The following KCNQ1 variants were observed in gnomAD, a reference collection of about 807,000 sequenced individuals.
KCNQ1 encodes the protein potassium voltage-gated channel subfamily KQT member 1.
A neutral mutation model predicts 72.4 loss-of-function variants in KCNQ1; 49 were observed. That is an observed-to-expected ratio of 0.68 (90% confidence interval 0.54 to 0.86). The LOEUF (loss-of-function observed/expected upper bound fraction) is 0.86. Among genes scored for constraint, KCNQ1 ranks in the 40% least tolerant of loss-of-function variants. KCNQ1 has a pLI of 0.00. For missense variants in KCNQ1, 790 were observed against 945.1 expected (o/e 0.84, Z 2.15); for synonymous variants, 450 against 412.6 (o/e 1.09, Z -1.10).
chr11:2,788,647 G>C (rs1846958974), intron 15 of KCNQ1, among the ~76,000 whole-genome samples: 1 of 152,022 alleles, frequency 6.6e-6, no homozygotes, highest in Non-Finnish European at 1.5e-5. Flanking sequence ...GGCTCTGACT[G>C]ATCAAAGGGC....
Position 2,826,083 on chromosome 11 carries a change from C to G in KCNQ1, c.1795-21684C>G, listed in dbSNP as rs1847833861. Among the ~76,000 whole-genome samples the G allele has an allele frequency of 6.6e-6, 1 of 152,364 alleles. No individual in the cohort carries two copies. The highest frequency in any genetic ancestry group is 1.9e-4 in the East Asian group (1 of 5,184). ...ACTGCCTGTGAGTTATAAGCCTCCA[C>G]AGCAAGCAGCCTGTTACCTAACCAG... On this transcript the variant is annotated intron_variant, in intron 15 of 15. Coordinates refer to ENST00000155840, the MANE Select transcript of KCNQ1 (RefSeq NM_000218.3). This position sits in a 1 kb window ranked among gnomAD's most constrained non-coding sequence, Gnocchi z 4.2.
rs961116781 is a variant in KCNQ1, at chr11:2,795,365, G to A, written c.1794+17328G>A. Among the ~76,000 whole-genome samples the A allele has an allele frequency of 3.9e-5, 6 of 152,338 alleles. 1 individual carries two copies. In the East Asian group the frequency reaches 9.7e-4, roughly 25 times the overall value. On this transcript the variant is annotated intron_variant, in intron 15 of 15. Transcript: ENST00000155840. ...CAGGGTCTCAGGTGACCTGTCTTGT[G>A]TATCCCACTTCGTTTCTCTCTTTCC...
intron 2 of KCNQ1, among the ~76,000 whole-genome samples, chr11:2,532,054 G>A (rs1179503050): frequency 6.6e-6 from 1 of 152,158 alleles, no homozygotes; most frequent in Non-Finnish European, 1.5e-5. Flanking sequence ...CTCTTCTCTG[G>A]ACCTGGCTGT....
At chr11:2,512,069 A>C (rs1362722436) in intron 1 of KCNQ1, among the ~76,000 whole-genome samples, 4 of 152,218 alleles carry the variant, frequency 2.6e-5, no homozygotes, top group East Asian at 1.9e-4. Context: ...CTCGGCGTGC[A>C]AGATTTGTGT....
At chr11:2,649,680 G>A (rs1323961973) in intron 10 of KCNQ1, 1 of 398,420 alleles carries the variant, frequency 2.5e-6, no homozygotes, top group African/African-American at 2.1e-5. Context: ...TTAATCTGCT[G>A]TTGATTCCCT....
chr11:2,716,510 C>T (rs1036718366), intron 11 of KCNQ1, among the ~76,000 whole-genome samples: 1 of 152,352 alleles, frequency 6.6e-6, no homozygotes, highest in African/African-American at 2.4e-5. Context: ...GGGCCAGGCT[C>T]CAGCTTCCCA....
Position 2,651,784 on chromosome 11 carries a change from T to A in KCNQ1, c.1394-10177T>A, listed in dbSNP as rs1458581378. The A allele has an allele frequency of 2.5e-6, 1 of 398,556 alleles. No individual in the cohort carries two copies. The highest frequency in any genetic ancestry group is 4.4e-6 in the Non-Finnish European group (1 of 226,102). 24.7% of individuals were successfully genotyped at this position (398,556 alleles called of 1,614,324 possible). A position where few individuals can be genotyped will look rare whatever the true frequency, so the allele number is the denominator to read the frequency against. On this transcript the variant is annotated intron_variant, in intron 10 of 15. Transcript: ENST00000155840. The surrounding 1 kb of genome is among the most constrained non-coding windows in gnomAD (Gnocchi z 6.1). The stretch of plus-strand genomic sequence containing the variant: ...CTCAAGTGTTGACCATTTTGATTCC[T>A]GGGCCCCTTAAGAGTCCATTAGCAT...
rs1467072918 is a variant in KCNQ1 at position 2,720,410 on chromosome 11, G to T, written c.1515-48434G>T. ...TGCTGAGCATGTGCTGGCCCTGCCT[G>T]GGGACAGCTGAAGGCCAGGAGGAAG... On this transcript the variant is annotated intron_variant, in intron 11 of 15. Coordinates refer to ENST00000155840, the MANE Select transcript of KCNQ1 (RefSeq NM_000218.3). This position sits in a 1 kb window ranked among gnomAD's most constrained non-coding sequence, Gnocchi z 5.1. Among the ~76,000 whole-genome samples the T allele has an allele frequency of 6.6e-6, 1 of 152,142 alleles. No homozygotes were observed. Among genetic ancestry groups the T allele is most frequent in the Non-Finnish European group, 1.5e-5 (1 of 68,022 alleles).
intron 11 of KCNQ1, among the ~76,000 whole-genome samples, chr11:2,756,981 A>AAAAAAATC (rs58902386): frequency 8.7e-6 from 1 of 115,178 alleles, no homozygotes; most frequent in Non-Finnish European, 1.8e-5. Flanking sequence ...AAAAAAAAAA[A>AAAAAAATC]CCCACAGCTA....
In KCNQ1 at chr11:2,447,061, C is replaced by CT. The variant is rs1565023841; in HGVS notation, c.386+1578dup. On this transcript the variant is annotated intron_variant, in intron 1 of 15. Coordinates refer to ENST00000155840, the MANE Select transcript of KCNQ1 (RefSeq NM_000218.3). This position sits in a 1 kb window ranked among gnomAD's most constrained non-coding sequence, Gnocchi z 7.6. ...CCAAGGCAAAGTGCCCGCAGACCCC[C>CT]TCAATTCTCACTTGTATTCAGGTTT... 6.6e-6 allele frequency among the ~76,000 whole-genome samples: 1 copy of CT among 152,232 alleles called. No homozygotes were observed. The highest frequency in any genetic ancestry group is 2.4e-5 in the African/African-American group (1 of 41,454).
At chr11:2,639,332 T>C (rs944773467) in intron 10 of KCNQ1, 1 of 152,176 alleles carries the variant, frequency 6.6e-6, no homozygotes, top group Non-Finnish European at 1.5e-5. Flanking sequence ...TTTTTCCCCA[T>C]CTTTGTGGTT....
rs1035385009 is a variant in KCNQ1 at position 2,528,142 on chromosome 11, C to T, written c.477+124C>T. The T allele has an allele frequency of 1.6e-4, 139 of 858,410 alleles. 2 individuals carry two copies. The highest frequency in any genetic ancestry group is 1.5e-3 in the South Asian group (109 of 73,862). The allele number at this position is 858,410 out of a possible 1,614,324, so 53.2% of individuals were successfully genotyped here. Reference sequence around the variant, plus strand: ...CCAGCCCCTTGCCCACACATTGGTCCTGCCCTGATACAGGGGGCACCTCCC... The same window carrying T: ...CCAGCCCCTTGCCCACACATTGGTCTTGCCCTGATACAGGGGGCACCTCCC... On this transcript the variant is annotated intron_variant, in intron 2 of 15. Coordinates refer to ENST00000155840, the MANE Select transcript of KCNQ1 (RefSeq NM_000218.3).
In KCNQ1 at chr11:2,536,029, C is replaced by G. The variant is rs1371058688; in HGVS notation, c.477+8011C>G. ...GGTGGTTCTGTTCCCCCGGGACAGC[C>G]TTGGTCCAGCCTCACTGGCCACATG... On this transcript the variant is annotated intron_variant, in intron 2 of 15. Transcript: ENST00000155840. The surrounding 1 kb of genome is among the most constrained non-coding windows in gnomAD (Gnocchi z 7.4). 6.6e-6 allele frequency among the ~76,000 whole-genome samples: 1 copy of G among 152,192 alleles called. No homozygotes were observed. Among genetic ancestry groups the G allele is most frequent in the East Asian group, 1.9e-4 (1 of 5,166 alleles).
rs1014795603 is a variant in KCNQ1 at position 2,712,615 on chromosome 11, G to C, written c.1514+50534G>C. Among the ~76,000 whole-genome samples, 1 of 152,198 alleles carries C rather than the reference G, an allele frequency of 6.6e-6. No individual in the cohort carries two copies. Among genetic ancestry groups the C allele is most frequent in the South Asian group, 2.1e-4 (1 of 4,832 alleles). ...TTAGGTGGTTTGAGGAGACTTAGGG[G>C]CTTCCATATTCCCCTTGGAACATGA... On this transcript the variant is annotated intron_variant, in intron 11 of 15. Transcript: ENST00000155840. The surrounding 1 kb of genome is among the most constrained non-coding windows in gnomAD (Gnocchi z 6.4).
rs1846236031 is a variant in KCNQ1, at chr11:2,458,986, C to T, written c.386+13502C>T. 6.6e-6 allele frequency among the ~76,000 whole-genome samples: 1 copy of T among 152,174 alleles called. No individual in the cohort carries two copies. Among genetic ancestry groups the T allele is most frequent in the African/African-American group, 2.4e-5 (1 of 41,450 alleles). On this transcript the variant is annotated intron_variant, in intron 1 of 15. Transcript: ENST00000155840. The surrounding 1 kb of genome is among the most constrained non-coding windows in gnomAD (Gnocchi z 4.6). ...GTTTGCTGCATGTTCCATTTTTGCC[C>T]ATGCCGCACCTGCCATGGTGCATTT...
intron 2 of KCNQ1, among the ~76,000 whole-genome samples, chr11:2,556,024 T>C (rs73404640): frequency 0.08 from 12,225 of 152,254 alleles, 904 homozygotes; most frequent in African/African-American, 0.19. Flanking sequence ...CCCCTGCCTG[T>C]CCAGGAGTCT....
chr11:2,751,054 C>A (rs1489488093), intron 11 of KCNQ1, among the ~76,000 whole-genome samples: 1 of 152,196 alleles, frequency 6.6e-6, no homozygotes, highest in Non-Finnish European at 1.5e-5. Context: ...CAGCCTCAGA[C>A]CTGTAGGCCC....
intron 11 of KCNQ1, among the ~76,000 whole-genome samples, chr11:2,731,278 G>A (rs530594073): frequency 6.6e-6 from 1 of 152,226 alleles, no homozygotes; most frequent in African/African-American, 2.4e-5. Context: ...AATCCAAGGG[G>A]CCTCACCGCC....
At chr11:2,843,114 A>T (rs1848247768) in intron 15 of KCNQ1, among the ~76,000 whole-genome samples, 1 of 152,236 alleles carries the variant, frequency 6.6e-6, no homozygotes, top group African/African-American at 2.4e-5. Context: ...AGCAAGCTCC[A>T]GCAGGGCAGC....
Sources: gnomAD v4.1 joint callset for allele counts (sites outside exome capture counted in the v4.1 genomes callset) on GRCh38, gnomAD v4.1.1 for gene constraint, Gnocchi (gnomAD v3.1) non-coding constraint, MANE v1.5 for transcripts, NCBI Gene and HGNC (gene_info 2026-07-23, HGNC 2026-07-21) for gene names.